The following MAP2K6 variants were observed in gnomAD, a reference collection of about 807,000 sequenced individuals.
MAP2K6 encodes the protein dual specificity mitogen-activated protein kinase kinase 6.
Under a neutral mutation model 53.7 loss-of-function variants are expected in MAP2K6, and 16 were observed. The ratio of observed to expected loss-of-function variants is 0.30; its 90% confidence interval spans 0.20 to 0.45. The LOEUF is 0.45. Among genes scored for constraint, MAP2K6 ranks in the 20% least tolerant of loss-of-function variants. The pLI is 1.00. For synonymous variants in MAP2K6, 132 were observed against 143.1 expected (o/e 0.92, Z 0.55); for missense variants, 204 against 411.9 (o/e 0.50, Z 4.37).
intron 4 of MAP2K6, 115 bp from the exon 5 acceptor site, chr17:69,519,198 A>G: frequency 8.3e-7 from 1 of 1,209,996 alleles, no homozygotes; most frequent in Non-Finnish European, 1.1e-6. Context: ...GGCTATTCAC[A>G]ATGTCATCGC....
intron 2 of MAP2K6, 71 bp from the exon 3 acceptor site, chr17:69,516,784 G>T (rs76163251): frequency 1.1e-5 from 11 of 1,005,066 alleles, no homozygotes; most frequent in Middle Eastern, 2.1e-4. Context: ...ATCCTCAGTG[G>T]TGTGTGATTT....
Position 69,552,981 on chromosome 17 carries a change from T to A in MAP2K6, c.*11228T>A, listed in dbSNP as rs2285601. 32,481 of 152,170 alleles carry A rather than the reference T, an allele frequency of 0.21. 4,172 individuals are homozygous for A. Among genetic ancestry groups the A allele is most frequent in the African/African-American group, 0.36 (14,851 of 41,466 alleles). The allele number at this position is 152,170 out of a possible 1,614,324, so 9.4% of individuals were successfully genotyped here. A position where few individuals can be genotyped will look rare whatever the true frequency, so the allele number is the denominator to read the frequency against. ...TGGTGTTAACATAGGTTAAGTTTTG[T>A]TAGTGTTCCCAGAAATATACTGAAT... On this transcript the variant is annotated 3_prime_UTR_variant, in exon 12 of 12. Coordinates refer to ENST00000590474, the MANE Select transcript of MAP2K6 (RefSeq NM_002758.4).
chr17:69,521,868 C>T (rs762134652), intron 7 of MAP2K6: 1 of 149,584 alleles, frequency 6.7e-6, no homozygotes, highest in Non-Finnish European at 1.5e-5. Context: ...AAGCTGGGTG[C>T]CGTGGTTCAT....
chr17:69,535,198 C>A (rs1246928569), intron 10 of MAP2K6, among the ~76,000 whole-genome samples: 1 of 152,188 alleles, frequency 6.6e-6, no homozygotes, highest in Non-Finnish European at 1.5e-5. Flanking sequence ...TAAAGTATTT[C>A]TAACAAGAAT....
Position 69,542,469 on chromosome 17 carries a change from A to C in MAP2K6, c.*716A>C, listed in dbSNP as rs1911686765. On this transcript the variant is annotated 3_prime_UTR_variant, in exon 12 of 12. Transcript: ENST00000590474. ...TCATACTCTTTTTCCCAACTTTGGA[A>C]AACATAAAAATCACTCATATAACAG... The C allele has an allele frequency of 6.6e-6, 1 of 152,566 alleles. No homozygotes were observed. 9.5% of individuals were successfully genotyped at this position (152,566 alleles called of 1,614,324 possible). A position where few individuals can be genotyped will look rare whatever the true frequency, so the allele number is the denominator to read the frequency against.
At chr17:69,432,644 G>A (rs1033418864) in intron 1 of MAP2K6, among the ~76,000 whole-genome samples, 1 of 151,680 alleles carries the variant, frequency 6.6e-6, no homozygotes, top group Non-Finnish European at 1.5e-5. Context: ...CACACATCGG[G>A]GCCTATCGGG....
chr17:69,543,627 A>G lies in MAP2K6; in HGVS notation c.*1874A>G, dbSNP rs1403502234. ...CTTGGAGATCAAGAGAAAAATTACA[A>G]TTGTATTCCTTACTTTATTCACCCA... On this transcript the variant is annotated 3_prime_UTR_variant, in exon 12 of 12. Transcript: ENST00000590474. 1 of 152,192 alleles carries G rather than the reference A, an allele frequency of 6.6e-6. No individual in the cohort carries two copies. The highest frequency in any genetic ancestry group is 1.5e-5 in the Non-Finnish European group (1 of 68,024). 9.4% of individuals were successfully genotyped at this position (152,192 alleles called of 1,614,324 possible). A position where few individuals can be genotyped will look rare whatever the true frequency, so the allele number is the denominator to read the frequency against.
chr17:69,497,095 C>T (rs1161857820), intron 1 of MAP2K6, among the ~76,000 whole-genome samples: 1 of 152,198 alleles, frequency 6.6e-6, no homozygotes, highest in Non-Finnish European at 1.5e-5. Context: ...ATTCAAGCAG[C>T]TTATTTGTGA....
intron 1 of MAP2K6, among the ~76,000 whole-genome samples, chr17:69,475,457 C>T (rs1281256165): frequency 2.6e-5 from 4 of 152,264 alleles, no homozygotes; most frequent in Non-Finnish European, 4.4e-5. Flanking sequence ...CGTGAGCCAC[C>T]GCGCCCGGCC....
At chr17:69,490,896 T>C (rs1347261556) in intron 1 of MAP2K6, among the ~76,000 whole-genome samples, 1 of 152,020 alleles carries the variant, frequency 6.6e-6, no homozygotes, top group Non-Finnish European at 1.5e-5. Flanking sequence ...TAGGCCCCAG[T>C]GTGTGTTGTT....
chr17:69,499,926 C>T (rs1909088019), intron 1 of MAP2K6, among the ~76,000 whole-genome samples: 1 of 151,952 alleles, frequency 6.6e-6, no homozygotes, highest in African/African-American at 2.4e-5. Flanking sequence ...GTGTAAGGTG[C>T]CAGAATGTGA....
chr17:69,493,129 G>C (rs1165289461), intron 1 of MAP2K6, among the ~76,000 whole-genome samples: 1 of 152,186 alleles, frequency 6.6e-6, no homozygotes, highest in Non-Finnish European at 1.5e-5. Flanking sequence ...ATATTAAAAA[G>C]TTGTGTACAA....
chr17:69,482,834 A>G (rs1908397244), intron 1 of MAP2K6, among the ~76,000 whole-genome samples: 1 of 152,106 alleles, frequency 6.6e-6, no homozygotes, highest in Non-Finnish European at 1.5e-5. Flanking sequence ...AGGACTATGC[A>G]TTCATAAGAC....
chr17:69,496,378 T>A (rs1908951819), intron 1 of MAP2K6, among the ~76,000 whole-genome samples: 1 of 151,810 alleles, frequency 6.6e-6, no homozygotes, highest in African/African-American at 2.4e-5. Flanking sequence ...TTCCAGCGAT[T>A]CTCCCGCCTC....
At chr17:69,455,401 G>A (rs1907370368) in intron 1 of MAP2K6, among the ~76,000 whole-genome samples, 2 of 152,146 alleles carry the variant, frequency 1.3e-5, no homozygotes, top group South Asian at 4.1e-4. Flanking sequence ...GAGGGCTACT[G>A]TAGCTCTAAA....
At chr17:69,464,460 C>T (rs1483187832) in intron 1 of MAP2K6, among the ~76,000 whole-genome samples, 2 of 152,172 alleles carry the variant, frequency 1.3e-5, no homozygotes, top group African/African-American at 4.8e-5. Context: ...CAGCTCACTT[C>T]AATCTCCACC....
chr17:69,516,954 T>G (rs753246785), intron 3 of MAP2K6, 51 bp downstream of exon 3: 105 of 1,386,344 alleles, frequency 7.6e-5, no homozygotes, highest in Middle Eastern at 1.8e-4. Context: ...TTTATATGTA[T>G]GCTTTCTGAC....
intron 2 of MAP2K6, among the ~76,000 whole-genome samples, chr17:69,514,582 A>G (rs1292988691): frequency 1.3e-5 from 2 of 151,842 alleles, no homozygotes; most frequent in Non-Finnish European, 2.9e-5. Context: ...GTTTTTTGAG[A>G]CTGAGTCTCG....
In MAP2K6 at chr17:69,546,469, A is replaced by G. The variant is rs1911883285; in HGVS notation, c.*4716A>G. 2.0e-5 allele frequency: 3 copies of G among 152,296 alleles called. No homozygotes were observed. In the South Asian group the frequency reaches 6.2e-4, roughly 32 times the overall value. The allele number at this position is 152,296 out of a possible 1,614,324, so 9.4% of individuals were successfully genotyped here. ...GAGAGGGGTTAATGTTGCATAATTT[A>G]TCACTAAAATGTCTTTGTTGACCAA... On this transcript the variant is annotated 3_prime_UTR_variant, in exon 12 of 12. Coordinates refer to ENST00000590474, the MANE Select transcript of MAP2K6 (RefSeq NM_002758.4).
Sources: gnomAD v4.1 joint callset for allele counts (sites outside exome capture counted in the v4.1 genomes callset) on GRCh38, gnomAD v4.1.1 for gene constraint, MANE v1.5 for transcripts, NCBI Gene and HGNC (gene_info 2026-07-23, HGNC 2026-07-21) for gene names.